The following ANKFN1 variants were observed in gnomAD, a reference collection of about 807,000 sequenced individuals.
ANKFN1 encodes ankyrin repeat and fibronectin type-III domain-containing protein 1.
ANKFN1 carries 74 observed loss-of-function variants against 108.7 expected under a neutral mutation model. The ratio of observed to expected loss-of-function variants is 0.68; its 90% CI spans 0.56 to 0.83. The LOEUF (loss-of-function observed/expected upper bound fraction) is 0.83. ANKFN1 is among the 40% of genes least tolerant of loss of function. ANKFN1 has a pLI of 0.00. For missense variants in ANKFN1, 1,505 were observed against 1,382.3 expected, an observed-to-expected ratio of 1.09 and a Z score of -1.41; for synonymous variants, 547 against 516.2, an observed-to-expected ratio of 1.06 and a Z score of -0.81.
At chr17:56,365,530 G>T (rs554328917) in intron 6 of ANKFN1, among the ~76,000 whole-genome samples, 1 of 152,274 alleles carries the variant, frequency 6.6e-6, no homozygotes, top group South Asian at 2.1e-4. Context: ...AGAGTAACTA[G>T]TTAGGATCAC....
chr17:56,434,392 AAAAGAAGAAG>A (rs1171447387), intron 8 of ANKFN1, among the ~76,000 whole-genome samples: 2 of 151,720 alleles, frequency 1.3e-5, no homozygotes, highest in Non-Finnish European at 2.9e-5. Context: ...AAAAAAAAAA[AAAAGAAGAAG>A]AAGAAGAAGA....
chr17:56,139,390 C>T (rs981456342), intron 4 of ANKFN1, among the ~76,000 whole-genome samples: 8 of 152,264 alleles, frequency 5.3e-5, no homozygotes, highest in African/African-American at 1.4e-4. Flanking sequence ...TGGATTCACA[C>T]CTGGTTGAAT....
chr17:56,328,527 T>G (rs2045581516), intron 4 of ANKFN1, among the ~76,000 whole-genome samples: 1 of 152,226 alleles, frequency 6.6e-6, no homozygotes, highest in South Asian at 2.1e-4. Flanking sequence ...GATGTGGAAT[T>G]AGTATTCTAT....
chr17:56,188,581 G>GTGTGTGTGTGTATATATA (rs1212242378), intron 1 of ANKFN1, among the ~76,000 whole-genome samples: 10 of 49,648 alleles, frequency 2.0e-4, no homozygotes, highest in African/African-American at 9.1e-4. Flanking sequence ...GTGTGTGTGT[G>GTGTGTGTGTGTATATATA]TATATATATA....
At chr17:56,285,835 AATGATGATGATGATG>A (rs57493010) in intron 3 of ANKFN1, among the ~76,000 whole-genome samples, 51 of 150,250 alleles carry the variant, frequency 3.4e-4, no homozygotes, top group African/African-American at 1.1e-3. Context: ...CCTGTCAGAC[AATGATGATGATGATG>A]ATGATGATGA....
At chr17:56,291,902 G>A (rs757769746) in intron 3 of ANKFN1, among the ~76,000 whole-genome samples, 3 of 152,186 alleles carry the variant, frequency 2.0e-5, no homozygotes, top group Non-Finnish European at 4.4e-5. Flanking sequence ...GAATTAGTTA[G>A]CTTAGAGAGG....
rs2051794746 is a variant in ANKFN1, at chr17:56,512,141, C to T, written c.*872C>T. Among the ~76,000 whole-genome samples, 2 of 152,120 alleles carry T rather than the reference C, an allele frequency of 1.3e-5. No individual in the cohort carries two copies. Among genetic ancestry groups the T allele is most frequent in the Admixed American group, 6.5e-5 (1 of 15,280 alleles). ...CATGGGCAGAAATATATTTCCTTTA[C>T]AATTCTAAGTTAAGCAAAGTAAGTC... On this transcript the variant is annotated 3_prime_UTR_variant, in exon 21 of 21. Coordinates refer to ENST00000682825, the MANE Select transcript of ANKFN1 (RefSeq NM_001370326.1).
chr17:56,264,347 C>G (rs559943354), intron 3 of ANKFN1, among the ~76,000 whole-genome samples: 1 of 152,190 alleles, frequency 6.6e-6, no homozygotes, highest in Non-Finnish European at 1.5e-5. Context: ...TGGCTACATG[C>G]CTGCCTGGGC....
intron 4 of ANKFN1, among the ~76,000 whole-genome samples, chr17:56,054,808 C>T (rs551302474): frequency 6.0e-4 from 92 of 152,216 alleles, no homozygotes; most frequent in African/African-American, 2.2e-3. Context: ...ATCACTTGAG[C>T]CTGGGAGGTT....
At position 56,481,273 on chromosome 17, in the gene ANKFN1, T is replaced by C. The variant is rs536237824; in HGVS notation, c.2091+455T>C. 3.3e-5 allele frequency among the ~76,000 whole-genome samples: 5 copies of C among 152,246 alleles called. No homozygotes were observed. The South Asian group carries it at 8.3e-4, about 25-fold the overall frequency. ...ATGTCCCAAGGATATGCCATGCTATTTTTTCTCAGAGAACTTTCTGTCAAA... is the reference window on the plus strand; with the variant it reads ...ATGTCCCAAGGATATGCCATGCTATCTTTTCTCAGAGAACTTTCTGTCAAA... On this transcript the variant is annotated intron_variant, in intron 17 of 20. Coordinates refer to ENST00000682825, the MANE Select transcript of ANKFN1 (RefSeq NM_001370326.1).
At chr17:56,076,632 A>T (rs1905185161) in intron 4 of ANKFN1, among the ~76,000 whole-genome samples, 1 of 152,192 alleles carries the variant, frequency 6.6e-6, no homozygotes, top group Non-Finnish European at 1.5e-5. Context: ...GCTTTCTTTA[A>T]GCTTCCGTTT....
chr17:56,152,143 A>C (rs997409310), upstream of ANKFN1, among the ~76,000 whole-genome samples: 3 of 152,078 alleles, frequency 2.0e-5, no homozygotes, highest in Admixed American at 6.6e-5. Flanking sequence ...AGTACTATGG[A>C]AGCTGAGGTT....
chr17:56,438,890 A>C (rs1390418760), intron 8 of ANKFN1, among the ~76,000 whole-genome samples: 1 of 152,240 alleles, frequency 6.6e-6, no homozygotes, highest in Non-Finnish European at 1.5e-5. Context: ...CAAACTCCCA[A>C]GGAACATCAC....
At chr17:56,283,019 C>T (rs77460827) in intron 3 of ANKFN1, among the ~76,000 whole-genome samples, 11,670 of 152,084 alleles carry the variant, frequency 0.077, 1,157 homozygotes, top group African/African-American at 0.23. Flanking sequence ...AGGTTTGCTA[C>T]ATAGGTAAAG....
chr17:56,070,042 G>A (rs779462852), intron 4 of ANKFN1, among the ~76,000 whole-genome samples: 3 of 152,148 alleles, frequency 2.0e-5, no homozygotes, highest in Non-Finnish European at 2.9e-5. Flanking sequence ...TGGTTTTGGT[G>A]GGATTTTGCC....
chr17:56,286,030 C>T (rs1221925632), intron 3 of ANKFN1, among the ~76,000 whole-genome samples: 1 of 152,158 alleles, frequency 6.6e-6, no homozygotes, highest in Non-Finnish European at 1.5e-5. Flanking sequence ...TATAAAGCAT[C>T]TCAGTGTGGA....
At chr17:56,287,789 G>A (rs542506002) in intron 3 of ANKFN1, among the ~76,000 whole-genome samples, 1 of 152,286 alleles carries the variant, frequency 6.6e-6, no homozygotes, top group Non-Finnish European at 1.5e-5. Context: ...AGACATTACT[G>A]AATGGGATAT....
At chr17:56,423,343 G>A (rs927095721) in intron 8 of ANKFN1, among the ~76,000 whole-genome samples, 3 of 152,202 alleles carry the variant, frequency 2.0e-5, no homozygotes, top group Non-Finnish European at 4.4e-5. Context: ...AGTGGGCAAA[G>A]TCCTTGAAAC....
Position 56,454,464 on chromosome 17 carries a change from T to C in ANKFN1, c.1208-2397T>C, listed in dbSNP as rs1016839307. ...CTTTGGTTTACTAATTTTTGGCCTT[T>C]GTATTTCATGTTAGATGCTTTTCTC... is the stretch of plus-strand genomic sequence containing the variant. On this transcript the variant is annotated intron_variant, in intron 11 of 20. Coordinates refer to ENST00000682825, the MANE Select transcript of ANKFN1 (RefSeq NM_001370326.1). Among the ~76,000 whole-genome samples the C allele has an allele frequency of 2.0e-5, 3 of 152,218 alleles. 1 individual carries two copies. The East Asian group carries it at 5.8e-4, about 29-fold the overall frequency.
Sources: gnomAD v4.1 joint callset for allele counts (sites outside exome capture counted in the v4.1 genomes callset) on GRCh38, gnomAD v4.1.1 for gene constraint, MANE v1.5 for transcripts, NCBI Gene and HGNC (gene_info 2026-07-23, HGNC 2026-07-21) for gene names.